The following IL1RAPL1 variants were observed in gnomAD, a reference collection of about 807,000 sequenced individuals.
IL1RAPL1 encodes interleukin 1 receptor accessory protein like 1.
A neutral mutation model predicts 48.4 loss-of-function variants in IL1RAPL1; 3 were observed. The observed-to-expected ratio is 0.06, with a 90% confidence interval of 0.03 to 0.16. The LOEUF is 0.16. Ranked by LOEUF, IL1RAPL1 falls within the 10% of genes least tolerant of loss-of-function variation. The probability of loss-of-function intolerance (pLI) is 1.00; values close to 1 mark genes in which losing one functional copy is unlikely to be tolerated. For synonymous variants in IL1RAPL1, 185 were observed against 187.7 expected, an observed-to-expected ratio of 0.99 and a Z score of 0.12; for missense variants, 349 against 530.6, an observed-to-expected ratio of 0.66 and a Z score of 3.36.
intron 2 of IL1RAPL1, among the ~76,000 whole-genome samples, chrX:29,076,794 G>GTCTT (rs770331923): frequency 0.044 from 1,513 of 34,677 alleles, 13 homozygotes; most frequent in Middle Eastern, 0.22. Context: ...CTGTCTGTCT[G>GTCTT]TCTGTCTGTC....
intron 6 of IL1RAPL1, among the ~76,000 whole-genome samples, chrX:29,909,761 A>G (rs1333216589): frequency 8.9e-6 from 1 of 111,970 alleles, no homozygotes; most frequent in Non-Finnish European, 1.9e-5. Flanking sequence ...AAGTCAAAAC[A>G]TAACAGATGC....
At chrX:29,176,091 T>TA (rs1331288208) in intron 2 of IL1RAPL1, among the ~76,000 whole-genome samples, 1 of 98,612 alleles carries the variant, frequency 1.0e-5, no homozygotes, top group South Asian at 4.9e-4. Context: ...TTTGCTTTTT[T>TA]TTTTTTTTTT....
intron 6 of IL1RAPL1, among the ~76,000 whole-genome samples, chrX:29,677,160 A>G (rs1332036884): frequency 8.9e-6 from 1 of 112,242 alleles, no homozygotes; most frequent in Non-Finnish European, 1.9e-5. Context: ...AATTTCAGCT[A>G]AATAACTAAG....
chrX:28,870,674 C>T (rs748346820), intron 2 of IL1RAPL1, among the ~76,000 whole-genome samples: 18 of 111,254 alleles, frequency 1.6e-4, no homozygotes, highest in African/African-American at 5.5e-4. Flanking sequence ...TAATTGGGCT[C>T]AATTTAAATG....
intron 2 of IL1RAPL1, among the ~76,000 whole-genome samples, chrX:28,994,190 A>G (rs1925676770): frequency 8.9e-6 from 1 of 111,752 alleles, no homozygotes; most frequent in Admixed American, 9.6e-5. Context: ...CATTGATAAT[A>G]TGAGAAAGGA....
At chrX:29,750,504 T>C (rs895217665) in intron 6 of IL1RAPL1, among the ~76,000 whole-genome samples, 1 of 111,843 alleles carries the variant, frequency 8.9e-6, no homozygotes, top group African/African-American at 3.2e-5. Flanking sequence ...TATTTATTAA[T>C]GGCCACACTA....
intron 1 of IL1RAPL1, among the ~76,000 whole-genome samples, chrX:28,699,049 G>T (rs1032231386): frequency 2.7e-5 from 3 of 111,639 alleles, no homozygotes; most frequent in Admixed American, 9.5e-5. Flanking sequence ...TTTATTGTCT[G>T]GTGTCTCTTT....
chrX:29,909,329 G>A (rs1014404966), intron 6 of IL1RAPL1, among the ~76,000 whole-genome samples: 1 of 111,597 alleles, frequency 9.0e-6, no homozygotes, highest in African/African-American at 3.3e-5. Context: ...TACCCAGGAG[G>A]ATGAGGTGAG....
intron 3 of IL1RAPL1, among the ~76,000 whole-genome samples, chrX:29,319,160 GTCTATCTATCTA>G (rs200758095): frequency 4.4e-4 from 37 of 84,984 alleles, no homozygotes; most frequent in South Asian, 1.2e-3. Context: ...CTATCTGTCT[GTCTATCTATCTA>G]TCTATCTATC....
At chrX:28,877,874 T>A (rs2147312356) in intron 2 of IL1RAPL1, among the ~76,000 whole-genome samples, 1 of 112,434 alleles carries the variant, frequency 8.9e-6, no homozygotes, top group South Asian at 3.6e-4. Flanking sequence ...CATAGTTCAA[T>A]AAAGTAGATA....
intron 2 of IL1RAPL1, among the ~76,000 whole-genome samples, chrX:28,833,813 T>G (rs1364642401): frequency 1.8e-5 from 2 of 112,005 alleles, no homozygotes; most frequent in Non-Finnish European, 3.8e-5. Context: ...GTGCAACTAA[T>G]GAAGGAGAAA....
intron 5 of IL1RAPL1, among the ~76,000 whole-genome samples, chrX:29,610,724 T>C (rs1051857512): frequency 6.2e-5 from 7 of 112,586 alleles, no homozygotes; most frequent in African/African-American, 2.3e-4. Flanking sequence ...TTTGCGCAAT[T>C]GCTGCTGCAC....
chrX:29,471,266 A>G (rs1304525351), intron 5 of IL1RAPL1, among the ~76,000 whole-genome samples: 2 of 111,405 alleles, frequency 1.8e-5, no homozygotes, highest in East Asian at 2.8e-4. Flanking sequence ...GCTAAATTCT[A>G]GTGAGGCTCT....
intron 5 of IL1RAPL1, among the ~76,000 whole-genome samples, chrX:29,429,058 C>T (rs1934384023): frequency 1.8e-5 from 2 of 112,414 alleles, no homozygotes; most frequent in Admixed American, 9.4e-5. Context: ...CCTTAACCCT[C>T]AAATTAAGTG....
intron 2 of IL1RAPL1, among the ~76,000 whole-genome samples, chrX:28,958,588 A>G (rs1389900175): frequency 9.0e-6 from 1 of 111,475 alleles, no homozygotes; most frequent in East Asian, 2.8e-4. Context: ...TGATTCCTTC[A>G]AGGATTATGA....
At chrX:29,397,295 A>G (rs923002878) in intron 4 of IL1RAPL1, among the ~76,000 whole-genome samples, 3 of 112,425 alleles carry the variant, frequency 2.7e-5, no homozygotes, top group Admixed American at 9.5e-5. Flanking sequence ...ATGTCAGTAT[A>G]CAGAATGTGA....
chrX:29,080,636 C>CA (rs746533497), intron 2 of IL1RAPL1, among the ~76,000 whole-genome samples: 4,649 of 106,489 alleles, frequency 0.044, 102 homozygotes, highest in Middle Eastern at 0.082. Context: ...CTTAGAATCA[C>CA]AAAAAAAAGA....
chrX:29,076,765 G>C (rs1371216363), intron 2 of IL1RAPL1, among the ~76,000 whole-genome samples: 1 of 100,683 alleles, frequency 9.9e-6, no homozygotes, highest in Non-Finnish European at 2.0e-5. Flanking sequence ...CATGAAATAA[G>C]ACAGATCTAT....
In IL1RAPL1 at chrX:28,637,027, A is replaced by G. The variant is rs761835147; in HGVS notation, c.-25+48980A>G. Among the ~76,000 whole-genome samples the G allele has an allele frequency of 4.5e-5, 5 of 111,732 alleles. No homozygotes were observed. The South Asian group carries it at 1.9e-3, about 42-fold the overall frequency. On this transcript the variant is annotated intron_variant, in intron 1 of 10. Coordinates refer to ENST00000378993, the MANE Select transcript of IL1RAPL1 (RefSeq NM_014271.4). ...TAAAGCTACAGGATAAATAAAAAGC[A>G]TCTTCTTAGAGCATCTTATTAGAAA... is the stretch of plus-strand genomic sequence containing the variant.
Sources: gnomAD v4.1 joint callset for allele counts (sites outside exome capture counted in the v4.1 genomes callset) on GRCh38, gnomAD v4.1.1 for gene constraint, MANE v1.5 for transcripts, NCBI Gene and HGNC (gene_info 2026-07-23, HGNC 2026-07-21) for gene names.